Variants in NCS1 observed in about 807,000 individuals in gnomAD.
NCS1 encodes neuronal calcium sensor 1.
In NCS1, 6 loss-of-function variants were observed where a neutral mutation model predicts 28.4. The observed-to-expected ratio is 0.21, with a 90% CI of 0.12 to 0.42. The LOEUF is 0.42. NCS1 is among the 10% of genes least tolerant of loss of function. The pLI is 1.00. For missense variants in NCS1, 131 were observed against 241.4 expected (o/e 0.54, Z 3.03); for synonymous variants, 86 against 99.3 (o/e 0.87, Z 0.79).
chr9:130,223,477 A>G (rs1483034450), intron 6 of NCS1, among the ~76,000 whole-genome samples: 4 of 152,080 alleles, frequency 2.6e-5, no homozygotes, highest in African/African-American at 7.2e-5. Context: ...AATAAAATCC[A>G]TAAGATCAAA....
Position 130,181,630 on chromosome 9 carries a change from T to C in NCS1, c.64+8903T>C, listed in dbSNP as rs10760661. Among the ~76,000 whole-genome samples the C allele has an allele frequency of 0.42, 63,118 of 152,066 alleles. 16,041 individuals are homozygous for C. The highest frequency in any genetic ancestry group is 0.69 in the African/African-American group (28,758 of 41,474). On this transcript the variant is annotated intron_variant, in intron 1 of 7. Coordinates refer to ENST00000372398, the MANE Select transcript of NCS1 (RefSeq NM_014286.4). This position sits in a 1 kb window ranked among gnomAD's most constrained non-coding sequence, Gnocchi z 5.0. Reference sequence around the variant, plus strand: ...CCCCGTCCCCTCTCAGCCTGGAGTCTGCACACTGAAGCCCTGGGCCGCGGT... The same window carrying C: ...CCCCGTCCCCTCTCAGCCTGGAGTCCGCACACTGAAGCCCTGGGCCGCGGT...
intron 2 of NCS1, 136 bp downstream of exon 2, chr9:130,201,118 G>C (rs1209690546): frequency 8.2e-7 from 1 of 1,212,678 alleles, no homozygotes; most frequent in East Asian, 2.3e-5. Context: ...GGTCCAGACA[G>C]CCTTTGTTCA....
At chr9:130,206,180 A>G (rs1833021945) in intron 2 of NCS1, among the ~76,000 whole-genome samples, 1 of 151,924 alleles carries the variant, frequency 6.6e-6, no homozygotes, top group South Asian at 2.1e-4. Flanking sequence ...TACAAAATAA[A>G]CCAGTTTGCT....
rs1301334924 is a variant in NCS1, at chr9:130,235,043, A to C, written c.*2071A>C. 1 of 152,230 alleles carries C rather than the reference A, an allele frequency of 6.6e-6. No individual in the cohort carries two copies. The highest frequency in any genetic ancestry group is 2.4e-5 in the African/African-American group (1 of 41,334). The allele number at this position is 152,230 out of a possible 1,614,324, so 9.4% of individuals were successfully genotyped here. On this transcript the variant is annotated 3_prime_UTR_variant, in exon 8 of 8. Coordinates refer to ENST00000372398, the MANE Select transcript of NCS1 (RefSeq NM_014286.4). ...CTGCGTGGCTGTTCCCCTTGGCTGG[A>C]GCATTCAGCCAACCCCAGCGTCCCC...
At chr9:130,193,897 G>A in intron 1 of NCS1, 1 of 152,536 alleles carries the variant, frequency 6.6e-6, no homozygotes, top group Non-Finnish European at 1.5e-5. Flanking sequence ...AGGCCCAAAG[G>A]CCCCGCCTTC....
intron 2 of NCS1, among the ~76,000 whole-genome samples, chr9:130,204,073 A>G (rs1832993815): frequency 6.6e-6 from 1 of 151,888 alleles, no homozygotes; most frequent in Admixed American, 6.6e-5. Flanking sequence ...GCTCACTGCA[A>G]CCTCTGCCTC....
At chr9:130,183,090 C>T (rs1832685065) in intron 1 of NCS1, among the ~76,000 whole-genome samples, 1 of 152,216 alleles carries the variant, frequency 6.6e-6, no homozygotes, top group East Asian at 1.9e-4. Flanking sequence ...GTGGTTTGCT[C>T]TCCCTGGTGA....
chr9:130,209,770 G>A lies in NCS1; in HGVS notation c.90-8062G>A, dbSNP rs543406168. Among the ~76,000 whole-genome samples, 90 of 152,272 alleles carry A rather than the reference G, an allele frequency of 5.9e-4. No homozygotes were observed. The highest frequency in any genetic ancestry group is 2.1e-3 in the African/African-American group (86 of 41,558). Reference sequence around the variant, plus strand: ...CCTTTTAAAGAAGTGTAAGAACGCCGTTGTTGAATCTAGGATTTTCTTTTC... The same window carrying A: ...CCTTTTAAAGAAGTGTAAGAACGCCATTGTTGAATCTAGGATTTTCTTTTC... On this transcript the variant is annotated intron_variant, in intron 2 of 7. Transcript: ENST00000372398. The surrounding 1 kb of genome is among the most constrained non-coding windows in gnomAD (Gnocchi z 4.4).
In NCS1 at chr9:130,177,588, T is replaced by A. The variant is rs934913012; in HGVS notation, c.64+4861T>A. Among the ~76,000 whole-genome samples the A allele has an allele frequency of 3.9e-5, 6 of 152,318 alleles. No homozygotes were observed. The East Asian group carries it at 5.8e-4, about 15-fold the overall frequency. On this transcript the variant is annotated intron_variant, in intron 1 of 7. Coordinates refer to ENST00000372398, the MANE Select transcript of NCS1 (RefSeq NM_014286.4). The surrounding 1 kb of genome is among the most constrained non-coding windows in gnomAD (Gnocchi z 4.4). ...AGCAGCAGGAGAGACTGAGGTGGAC[T>A]CTCGGCATCGGGATGGGCATCTGGG... is the stretch of plus-strand genomic sequence containing the variant.
At chr9:130,225,693 C>T (rs1833402025) in intron 6 of NCS1, among the ~76,000 whole-genome samples, 1 of 152,266 alleles carries the variant, frequency 6.6e-6, no homozygotes, top group Admixed American at 6.5e-5. Flanking sequence ...GAGGGTTGCG[C>T]CGAGCTTGGC....
At chr9:130,221,324 C>T (rs1387643140) in intron 4 of NCS1, among the ~76,000 whole-genome samples, 1 of 144,024 alleles carries the variant, frequency 6.9e-6, no homozygotes, top group African/African-American at 2.6e-5. Flanking sequence ...GTGCCTGGCC[C>T]TGTTATTTTT....
chr9:130,219,638 C>T lies in NCS1; in HGVS notation c.229-87C>T, dbSNP rs1186544500. 91 of 1,246,314 alleles carry T rather than the reference C, an allele frequency of 7.3e-5. No homozygotes were observed. The highest frequency in any genetic ancestry group is 4.4e-5 in the African/African-American group (3 of 67,644). 77.2% of individuals were successfully genotyped at this position (1,246,314 alleles called of 1,614,324 possible). ...CATTGGCCACAGTGTCTGGAGCCTGCGACTGCCCCTCGCCCGTCCCGAGGT... is the reference window on the plus strand; with the variant it reads ...CATTGGCCACAGTGTCTGGAGCCTGTGACTGCCCCTCGCCCGTCCCGAGGT... On this transcript the variant is annotated intron_variant, in intron 3 of 7. Transcript: ENST00000372398. This position sits in a 1 kb window ranked among gnomAD's most constrained non-coding sequence, Gnocchi z 5.7.
chr9:130,211,741 T>C (rs782237015), intron 2 of NCS1, among the ~76,000 whole-genome samples: 2 of 152,088 alleles, frequency 1.3e-5, no homozygotes, highest in Non-Finnish European at 2.9e-5. Flanking sequence ...GTGACTACTA[T>C]GTTTGCCAGG....
At chr9:130,225,804 G>A (rs934391435) in intron 6 of NCS1, among the ~76,000 whole-genome samples, 2 of 152,200 alleles carry the variant, frequency 1.3e-5, no homozygotes, top group African/African-American at 4.8e-5. Flanking sequence ...AGATCGAGTA[G>A]GTGCTCTCCG....
At chr9:130,231,467 T>A (rs1321226271) in intron 7 of NCS1, among the ~76,000 whole-genome samples, 6 of 152,062 alleles carry the variant, frequency 3.9e-5, no homozygotes, top group Non-Finnish European at 8.8e-5. Flanking sequence ...CACTGCAACC[T>A]CTGCCTCCTG....
Position 130,225,074 on chromosome 9 carries a change from C to T in NCS1, c.475-1315C>T, listed in dbSNP as rs564962689. Among the ~76,000 whole-genome samples the T allele has an allele frequency of 1.8e-4, 28 of 152,228 alleles. No homozygotes were observed. The South Asian group carries it at 2.7e-3, about 15-fold the overall frequency. On this transcript the variant is annotated intron_variant, in intron 6 of 7. Coordinates refer to ENST00000372398, the MANE Select transcript of NCS1 (RefSeq NM_014286.4). ...GGGTGTGGTGGTGTGCACCTGTGGT[C>T]CCAGCTACTCGGGAGGCTGAAGTGG...
At chr9:130,205,676 AG>A (rs1210869621) in intron 2 of NCS1, among the ~76,000 whole-genome samples, 33 of 149,374 alleles carry the variant, frequency 2.2e-4, no homozygotes, top group African/African-American at 3.9e-4. Flanking sequence ...TCTCTACAAA[AG>A]AAAAAAAAAA....
At chr9:130,200,537 T>C (rs7022964) in intron 1 of NCS1, 1,314,738 of 1,549,968 alleles carry the variant, frequency 0.85, 558,824 homozygotes, top group East Asian at 0.95. Context: ...CCCACATAGG[T>C]GGGGCAGCCG....
chr9:130,182,918 G>C (rs1282869533), intron 1 of NCS1, among the ~76,000 whole-genome samples: 2 of 152,252 alleles, frequency 1.3e-5, no homozygotes, highest in African/African-American at 4.8e-5. Context: ...GTGCAGTGTG[G>C]GTTTTGGGGG....
Sources: allele counts gnomAD v4.1 joint callset (sites outside exome capture counted in the v4.1 genomes callset), GRCh38; gene constraint gnomAD v4.1.1; non-coding constraint Gnocchi (gnomAD v3.1); transcripts MANE v1.5; gene names NCBI Gene and HGNC (gene_info 2026-07-23, HGNC 2026-07-21).